The following WFDC9 variants were observed in gnomAD, a reference collection of about 807,000 sequenced individuals.
WFDC9 encodes the protein WAP four-disulfide core domain 9.
Under a neutral mutation model 9.5 loss-of-function variants are expected in WFDC9, and 9 were observed. The ratio of observed to expected loss-of-function variants is 0.95; its 90% CI spans 0.57 to 1.65. The LOEUF (loss-of-function observed/expected upper bound fraction) is 1.65. Among genes scored for constraint, WFDC9 ranks in the 40% most tolerant of loss-of-function variants. The pLI is 0.00. For synonymous variants in WFDC9, 33 were observed against 32.3 expected (o/e 1.02, Z -0.07); for missense variants, 87 against 106.7 (o/e 0.82, Z 0.81).
At chr20:45,615,412 TC>T in intron 1 of WFDC9, among the ~76,000 whole-genome samples, 1 of 152,274 alleles carries the variant, frequency 6.6e-6, no homozygotes, top group Admixed American at 6.5e-5. Context: ...AAACCTTCTC[TC>T]AAAGCCTGTC....
At chr20:45,629,891 G>T (rs1982314323) in intron 1 of WFDC9, 1 of 1,613,708 alleles carries the variant, frequency 6.2e-7, no homozygotes, top group South Asian at 1.1e-5. Context: ...ACCGTGACAA[G>T]AAGAGGATGC....
intron 1 of WFDC9, chr20:45,629,982 C>T: frequency 1.9e-6 from 3 of 1,556,054 alleles, no homozygotes; most frequent in South Asian, 2.4e-5. Context: ...CTGAGTAGGA[C>T]CTAGGAGTTG....
At chr20:45,610,800 T>C (rs1981843568) in intron 2 of WFDC9, among the ~76,000 whole-genome samples, 1 of 152,152 alleles carries the variant, frequency 6.6e-6, no homozygotes, top group African/African-American at 2.4e-5. Context: ...TGGTCCAAAG[T>C]TGGAGGAATT....
chr20:45,610,572 A>G (rs1223729941), intron 2 of WFDC9, among the ~76,000 whole-genome samples: 1 of 152,234 alleles, frequency 6.6e-6, no homozygotes, highest in Non-Finnish European at 1.5e-5. Context: ...CTATACTTTT[A>G]TGTTGTAGTC....
intron 1 of WFDC9, among the ~76,000 whole-genome samples, chr20:45,616,782 G>A (rs1220337653): frequency 6.6e-6 from 1 of 152,098 alleles, no homozygotes. Flanking sequence ...TGAGCCGTAG[G>A]CCTCAACAGT....
intron 1 of WFDC9, among the ~76,000 whole-genome samples, chr20:45,628,541 C>A (rs1388695866): frequency 6.6e-6 from 1 of 152,142 alleles, no homozygotes; most frequent in African/African-American, 2.4e-5. Flanking sequence ...AGTGTCCAGT[C>A]TCTAAATTGT....
At chr20:45,622,294 T>C (rs1431303695) in intron 1 of WFDC9, among the ~76,000 whole-genome samples, 1 of 152,184 alleles carries the variant, frequency 6.6e-6, no homozygotes, top group East Asian at 1.9e-4. Context: ...TATTTTAAAA[T>C]TTATTTGTAT....
At chr20:45,617,374 G>C (rs1981995522) in intron 1 of WFDC9, among the ~76,000 whole-genome samples, 1 of 152,150 alleles carries the variant, frequency 6.6e-6, no homozygotes, top group Non-Finnish European at 1.5e-5. Context: ...AGAATCACTT[G>C]GACCCAGGTG....
At chr20:45,615,655 G>A (rs1248454561) in intron 1 of WFDC9, among the ~76,000 whole-genome samples, 4 of 152,086 alleles carry the variant, frequency 2.6e-5, no homozygotes, top group Non-Finnish European at 5.9e-5. Flanking sequence ...ATATTTAATA[G>A]TTGAAAGTTG....
intron 1 of WFDC9, chr20:45,630,003 G>T: frequency 6.7e-7 from 1 of 1,488,822 alleles, no homozygotes; most frequent in Non-Finnish European, 9.1e-7. Flanking sequence ...GAAACTCTCT[G>T]CATATCCAGC....
chr20:45,627,022 C>T (rs1022439027), intron 1 of WFDC9, among the ~76,000 whole-genome samples: 8 of 152,142 alleles, frequency 5.3e-5, no homozygotes, highest in African/African-American at 1.9e-4. Flanking sequence ...AAGTTTTTAT[C>T]ATAAAGTGGT....
At chr20:45,625,979 G>A (rs1389558265) in intron 1 of WFDC9, among the ~76,000 whole-genome samples, 3 of 151,606 alleles carry the variant, frequency 2.0e-5, no homozygotes, top group Non-Finnish European at 4.4e-5. Flanking sequence ...GCACCACCAT[G>A]TTCGTCTAAT....
At chr20:45,630,538 G>A (rs1036922854) in intron 1 of WFDC9, among the ~76,000 whole-genome samples, 1 of 152,150 alleles carries the variant, frequency 6.6e-6, no homozygotes, top group East Asian at 1.9e-4. Flanking sequence ...GCTTCTTTGA[G>A]CTCTCAGGAT....
At chr20:45,610,039 A>G (rs369108407) in intron 3 of WFDC9, 52 bp downstream of exon 3, 2 of 1,477,798 alleles carry the variant, frequency 1.4e-6, no homozygotes, top group African/African-American at 1.4e-5. Flanking sequence ...ATCAGCTACA[A>G]TAGACATCCC....
chr20:45,629,264 G>A (rs1262519888), intron 1 of WFDC9, among the ~76,000 whole-genome samples: 2 of 152,138 alleles, frequency 1.3e-5, no homozygotes, highest in African/African-American at 4.8e-5. Context: ...TAGATTATTA[G>A]TAATTAGTAC....
chr20:45,615,563 C>CT (rs1451405395), intron 1 of WFDC9, among the ~76,000 whole-genome samples: 3 of 152,120 alleles, frequency 2.0e-5, no homozygotes, highest in African/African-American at 7.2e-5. Flanking sequence ...GCCAAGTGCA[C>CT]TTTTTTGGTT....
chr20:45,609,854 T>G (rs1302272007), intron 3 of WFDC9, among the ~76,000 whole-genome samples: 2 of 152,322 alleles, frequency 1.3e-5, no homozygotes, highest in South Asian at 4.1e-4. Flanking sequence ...TATTATTTCC[T>G]GCTAGCTGAT....
intron 1 of WFDC9, chr20:45,629,930 G>A: frequency 6.2e-7 from 1 of 1,611,344 alleles, no homozygotes; most frequent in Non-Finnish European, 8.5e-7. Context: ...CTGGATGGGT[G>A]AGGGGGAATT....
chr20:45,623,076 A>G (rs1004724504), intron 1 of WFDC9, among the ~76,000 whole-genome samples: 3 of 152,200 alleles, frequency 2.0e-5, no homozygotes, highest in African/African-American at 7.2e-5. Context: ...TAATCTAGCT[A>G]TGAAGATCTG....
Sources: allele counts gnomAD v4.1 joint callset (sites outside exome capture counted in the v4.1 genomes callset), GRCh38; gene constraint gnomAD v4.1.1; transcripts MANE v1.5; gene names NCBI Gene and HGNC (gene_info 2026-07-23, HGNC 2026-07-21).